The following SHOC1 variants were observed in gnomAD, a reference collection of about 807,000 sequenced individuals.
SHOC1 encodes shortage in chiasmata 1, also known as protein shortage in chiasmata 1 ortholog.
In SHOC1, 136 loss-of-function variants were observed where a neutral mutation model predicts 179.2. That is an observed-to-expected ratio of 0.76 (90% confidence interval 0.66 to 0.87). SHOC1 has a LOEUF of 0.87. Ranked by LOEUF, SHOC1 falls within the 40% of genes least tolerant of loss-of-function variation. The pLI is 0.00. For missense variants in SHOC1, 1,538 were observed against 1,700.8 expected (o/e 0.90, Z 1.68); for synonymous variants, 489 against 586.6 (o/e 0.83, Z 2.41).
intron 5 of SHOC1, among the ~76,000 whole-genome samples, chr9:111,763,972 T>G (rs1011436366): frequency 3.3e-5 from 5 of 152,146 alleles, no homozygotes; most frequent in African/African-American, 1.2e-4. Flanking sequence ...AGTAATCTCC[T>G]CTTATCTGAG....
chr9:111,754,659 A>G (rs1489426906), intron 8 of SHOC1, among the ~76,000 whole-genome samples: 1 of 152,182 alleles, frequency 6.6e-6, no homozygotes, highest in African/African-American at 2.4e-5. Flanking sequence ...CTTGTACATG[A>G]ATGTTCATAG....
At position 111,718,195 on chromosome 9, in the gene SHOC1, T is replaced by G. The variant is rs1483394700; in HGVS notation, c.2225A>C (p.Asp742Ala). 1 of 1,595,120 alleles carries G rather than the reference T, an allele frequency of 6.3e-7. No homozygotes were observed. Among genetic ancestry groups the G allele is most frequent in the South Asian group, 1.1e-5 (1 of 86,962 alleles). The part of the protein sequence containing the change: ...IRDVLLTCSL[D>A]TALGYLSKAK... ...TATTCCCCACCAACCCAATGCTGTG[T>G]CCAAGCTGCATGTTAAAAGGACATC... The change falls in exon 16 of 28, where the codon GAC (aspartate) becomes GCC (alanine). Residue 742 changes from aspartate to alanine, a missense_variant. Physicochemically the swap from Asp to Ala is moderately radical, Grantham distance 126 (BLOSUM62 -2). Coordinates refer to ENST00000682961, the MANE Select transcript of SHOC1 (RefSeq NM_001378211.1).
intron 5 of SHOC1, among the ~76,000 whole-genome samples, chr9:111,771,712 T>C (rs1835616560): frequency 6.6e-6 from 1 of 152,128 alleles, no homozygotes; most frequent in African/African-American, 2.4e-5. Context: ...TTTTTTTTCT[T>C]TGAGCACTTT....
intron 15 of SHOC1, among the ~76,000 whole-genome samples, chr9:111,718,566 T>C (rs926550917): frequency 6.6e-6 from 1 of 152,200 alleles, no homozygotes. Context: ...TCATTTAAAC[T>C]CAGCTAACCT....
Position 111,722,458 on chromosome 9 carries a change from C to T in SHOC1, c.2082G>A (p.Arg694=). The change falls in exon 15 of 28, where the codon AGG becomes AGA. Residue 694 remains arginine (R), a synonymous_variant. Coordinates refer to ENST00000682961, the MANE Select transcript of SHOC1 (RefSeq NM_001378211.1). The part of the protein sequence containing the change: ...KFATVIFDQT[R]FLLKEQEKVV... ...CTTTTTCTTGTTCCTTTAAGAGAAA[C>T]CTTGTTTGGTCAAAAATAACAGTGG... 1.9e-6 allele frequency: 3 copies of T among 1,611,720 alleles called. No homozygotes were observed. Among genetic ancestry groups the T allele is most frequent in the Non-Finnish European group, 2.5e-6 (3 of 1,179,532 alleles).
rs751026678 is a variant in SHOC1, at chr9:111,706,707, T to C, written c.2598A>G (p.Gly866=). 19 of 1,606,856 alleles carry C rather than the reference T, an allele frequency of 1.2e-5. No homozygotes were observed. Among genetic ancestry groups the C allele is most frequent in the Non-Finnish European group, 1.5e-5 (18 of 1,176,620 alleles). ...AGAAATTACTCCAGGGGAAATCTGC[T>C]CCAATATATTGATTATGTACAACTA... ...SCVVVHNQYI[G]ADFPWSNFSF... Residue 866 remains glycine, a synonymous_variant, in exon 20 of 28, where the codon GGA becomes GGG. Transcript: ENST00000682961.
intron 4 of SHOC1, among the ~76,000 whole-genome samples, chr9:111,777,406 T>C (rs1835876951): frequency 6.6e-6 from 1 of 151,850 alleles, no homozygotes; most frequent in Non-Finnish European, 1.5e-5. Context: ...AATCATACAC[T>C]AAATTCCTTC....
At chr9:111,743,783 A>G (rs1367623664) in intron 10 of SHOC1, among the ~76,000 whole-genome samples, 1 of 152,180 alleles carries the variant, frequency 6.6e-6, no homozygotes, top group African/African-American at 2.4e-5. Context: ...TCAGGCATCC[A>G]TTTAAGGTCT....
chr9:111,738,667 G>T, intron 11 of SHOC1, 145 bp from the exon 12 acceptor site: 1 of 732,456 alleles, frequency 1.4e-6, no homozygotes, highest in Non-Finnish European at 2.0e-6. Context: ...GTTATAGCTG[G>T]TATTTTTGTC....
intron 5 of SHOC1, among the ~76,000 whole-genome samples, chr9:111,770,071 G>A (rs1835540573): frequency 7.2e-6 from 1 of 138,050 alleles, no homozygotes; most frequent in South Asian, 2.3e-4. Context: ...CCAGTTTGGG[G>A]TTTGTTCTTT....
At chr9:111,707,807 GTGAAACTGGTACGTTTGT>G in intron 19 of SHOC1, 30 bp downstream of exon 19, 1 of 1,289,560 alleles carries the variant, frequency 7.8e-7, no homozygotes, top group East Asian at 2.4e-5. Flanking sequence ...TGCTTTTCCT[GTGAAACTGGTACGTTTGT>G]TCCTCACAGA....
intron 13 of SHOC1, 66 bp downstream of exon 13, chr9:111,727,567 T>C: frequency 6.0e-6 from 8 of 1,341,986 alleles, no homozygotes; most frequent in Non-Finnish European, 8.0e-6. Context: ...TTGCCTTCTA[T>C]AATAAATTAT....
At chr9:111,692,564 G>T in intron 26 of SHOC1, 53 bp from the exon 27 acceptor site, 1 of 1,347,486 alleles carries the variant, frequency 7.4e-7, no homozygotes, top group Non-Finnish European at 1.0e-6. Flanking sequence ...TATAAATAAT[G>T]ATGCTTATCT....
intron 8 of SHOC1, among the ~76,000 whole-genome samples, chr9:111,749,621 G>A (rs1460628629): frequency 1.3e-5 from 2 of 151,994 alleles, no homozygotes; most frequent in African/African-American, 4.8e-5. Flanking sequence ...TCTCATCACC[G>A]AGGTATTAAG....
At chr9:111,692,918 A>C (rs994877988) in intron 26 of SHOC1, among the ~76,000 whole-genome samples, 3 of 152,240 alleles carry the variant, frequency 2.0e-5, no homozygotes, top group Admixed American at 1.3e-4. Flanking sequence ...ACATGTGAAT[A>C]GGGTATATAA....
At chr9:111,777,418 C>G (rs1271493387) in intron 4 of SHOC1, among the ~76,000 whole-genome samples, 1 of 150,318 alleles carries the variant, frequency 6.7e-6, no homozygotes, top group African/African-American at 2.4e-5. Context: ...AATTCCTTCC[C>G]AAGGTTAGTT....
chr9:111,772,709 A>G (rs1397787953), intron 5 of SHOC1, among the ~76,000 whole-genome samples: 7 of 152,148 alleles, frequency 4.6e-5, no homozygotes, highest in African/African-American at 1.2e-4. Context: ...CCCAACAGTG[A>G]CAGAAGTCTG....
At chr9:111,716,475 G>C (rs778219087) in intron 16 of SHOC1, among the ~76,000 whole-genome samples, 1 of 132,346 alleles carries the variant, frequency 7.6e-6, no homozygotes, top group Non-Finnish European at 1.5e-5. Flanking sequence ...ACTGCAGCCT[G>C]TGCCTCGCGG....
intron 6 of SHOC1, among the ~76,000 whole-genome samples, chr9:111,758,469 G>A (rs573539779): frequency 2.6e-5 from 4 of 152,188 alleles, no homozygotes; most frequent in Non-Finnish European, 4.4e-5. Context: ...AGTGGCGCAC[G>A]CCTGTAGTCT....
Sources: allele counts gnomAD v4.1 joint callset (sites outside exome capture counted in the v4.1 genomes callset), GRCh38; gene constraint gnomAD v4.1.1; transcripts MANE v1.5; gene names NCBI Gene and HGNC (gene_info 2026-07-23, HGNC 2026-07-21).